The following BRIP1 variants were observed in gnomAD, a reference collection of about 807,000 sequenced individuals.
The protein encoded by BRIP1 is BRCA1 interacting DNA helicase 1.
Under a neutral mutation model 119.7 loss-of-function variants are expected in BRIP1, and 88 were observed. That is an observed-to-expected ratio of 0.74 (90% CI 0.62 to 0.88). The LOEUF (loss-of-function observed/expected upper bound fraction) is 0.88, where lower values mean the gene tolerates loss of function less well. Among genes scored for constraint, BRIP1 ranks in the 40% least tolerant of loss-of-function variants. The pLI is 0.00. For synonymous variants in BRIP1, 443 were observed against 496.5 expected (o/e 0.89, Z 1.43); for missense variants, 1,259 against 1,455.4 (o/e 0.87, Z 2.20).
rs2077425015 is a variant in BRIP1 at position 61,770,003 on chromosome 17, A to T, written c.2097+6398T>A. The stretch of plus-strand genomic sequence containing the variant: ...GAAAAACCCTACTGTTTCGGGCAGG[A>T]GGAGGGAAAAAAACAACCATTTTGA... On this transcript the variant is annotated intron_variant, in intron 14 of 19. Transcript: ENST00000259008. The surrounding 1 kb of genome is among the most constrained non-coding windows in gnomAD (Gnocchi z 4.7). 6.6e-6 allele frequency among the ~76,000 whole-genome samples: 1 copy of T among 152,200 alleles called. No homozygotes were observed. The highest frequency in any genetic ancestry group is 1.5e-5 in the Non-Finnish European group (1 of 68,040).
chr17:61,718,561 T>C (rs766197645), intron 16 of BRIP1, among the ~76,000 whole-genome samples: 2 of 152,168 alleles, frequency 1.3e-5, no homozygotes, highest in Non-Finnish European at 2.9e-5. Context: ...ACCTGGAGCT[T>C]TCTCTCTATG....
chr17:61,749,238 G>C (rs961913751), intron 14 of BRIP1, among the ~76,000 whole-genome samples: 5 of 151,584 alleles, frequency 3.3e-5, no homozygotes, highest in African/African-American at 1.2e-4. Context: ...TGACATAAAA[G>C]CACAGGCAAT....
At chr17:61,786,017 T>C (rs1023923304) in intron 10 of BRIP1, among the ~76,000 whole-genome samples, 4 of 151,966 alleles carry the variant, frequency 2.6e-5, no homozygotes, top group Non-Finnish European at 5.9e-5. Flanking sequence ...TAAAGCTGTA[T>C]AAAAATATAA....
rs1388093836 is a variant in BRIP1 at position 61,822,680 on chromosome 17, G to C, written c.628-13923C>G. On this transcript the variant is annotated intron_variant, in intron 6 of 19. Transcript: ENST00000259008. This position sits in a 1 kb window ranked among gnomAD's most constrained non-coding sequence, Gnocchi z 4.4. ...ATAACATGGTTATAGCTAAGGAAAA[G>C]AATCAATAGAAAGGAGGAAAAATAA... is the stretch of plus-strand genomic sequence containing the variant. Among the ~76,000 whole-genome samples the C allele has an allele frequency of 6.6e-6, 1 of 151,850 alleles. No homozygotes were observed. Among genetic ancestry groups the C allele is most frequent in the Non-Finnish European group, 1.5e-5 (1 of 67,964 alleles).
Position 61,730,531 on chromosome 17 carries a change from A to G in BRIP1, c.2379+12482T>C, listed in dbSNP as rs1242811804. ...TGATAATTTCACTTTTAAATCCTCCAACCTAGTTTGAGAGCAAAATTAATA... is the reference window on the plus strand; with the variant it reads ...TGATAATTTCACTTTTAAATCCTCCGACCTAGTTTGAGAGCAAAATTAATA... On this transcript the variant is annotated intron_variant, in intron 16 of 19. Transcript: ENST00000259008. This position sits in a 1 kb window ranked among gnomAD's most constrained non-coding sequence, Gnocchi z 4.3. 6.6e-6 allele frequency among the ~76,000 whole-genome samples: 1 copy of G among 152,184 alleles called. No homozygotes were observed. Among genetic ancestry groups the G allele is most frequent in the Non-Finnish European group, 1.5e-5 (1 of 68,034 alleles).
At chr17:61,766,636 A>C (rs2077378119) in intron 14 of BRIP1, among the ~76,000 whole-genome samples, 1 of 152,186 alleles carries the variant, frequency 6.6e-6, no homozygotes, top group Non-Finnish European at 1.5e-5. Context: ...TTAGTGCTGA[A>C]CAATACTTTA....
intron 16 of BRIP1, among the ~76,000 whole-genome samples, chr17:61,741,345 C>A (rs962274866): frequency 1.4e-4 from 22 of 152,194 alleles, no homozygotes; most frequent in African/African-American, 5.3e-4. Context: ...GAATCAATGA[C>A]TTCCAAACTC....
chr17:61,783,726 T>C (rs1238780289), intron 11 of BRIP1: 3 of 151,954 alleles, frequency 2.0e-5, no homozygotes, highest in Non-Finnish European at 4.4e-5. Context: ...TAGAAGATAA[T>C]TTAATATGAA....
Position 61,743,005 on chromosome 17 carries a change from T to C in BRIP1, c.2379+8A>G, listed in dbSNP as rs1567779307. ...GTAATAATAAAACTTAAGGTTTTGA[T>C]GGCCTACCTGTAGATCTTTCACATT... On this transcript the variant is annotated splice_region_variant and intron_variant, in intron 16 of 19. Coordinates refer to ENST00000259008, the MANE Select transcript of BRIP1 (RefSeq NM_032043.3). This position sits in a 1 kb window ranked among gnomAD's most constrained non-coding sequence, Gnocchi z 4.3. The C allele has an allele frequency of 1.2e-6, 2 of 1,613,834 alleles. No individual in the cohort carries two copies. The highest frequency in any genetic ancestry group is 1.7e-6 in the Non-Finnish European group (2 of 1,179,800).
In BRIP1 at chr17:61,684,266, C is replaced by T. The variant is rs755791774; in HGVS notation, c.2906-126G>A. The T allele has an allele frequency of 1.3e-5, 14 of 1,055,004 alleles. No homozygotes were observed. The highest frequency in any genetic ancestry group is 6.5e-5 in the African/African-American group (4 of 61,902). The allele number at this position is 1,055,004 out of a possible 1,614,324, so 65.4% of individuals were successfully genotyped here. On this transcript the variant is annotated intron_variant, in intron 19 of 19. Coordinates refer to ENST00000259008, the MANE Select transcript of BRIP1 (RefSeq NM_032043.3). This position sits in a 1 kb window ranked among gnomAD's most constrained non-coding sequence, Gnocchi z 4.5. ...AGGATACATAACTTAGAGCCCCCAA[C>T]GAATACTAGTGGATTTTCATCTTGG...
rs1289928766 is a variant in BRIP1, at chr17:61,851,611, T to C, written c.380-2355A>G. On this transcript the variant is annotated intron_variant, in intron 4 of 19. Coordinates refer to ENST00000259008, the MANE Select transcript of BRIP1 (RefSeq NM_032043.3). The surrounding 1 kb of genome is among the most constrained non-coding windows in gnomAD (Gnocchi z 4.6). Reference sequence around the variant, plus strand: ...CAAATTAGGGTTCTCTATACTTTTATATGAGTCTATCACTGTGCTAACCTC... The same window carrying C: ...CAAATTAGGGTTCTCTATACTTTTACATGAGTCTATCACTGTGCTAACCTC... 6.6e-6 allele frequency among the ~76,000 whole-genome samples: 1 copy of C among 152,218 alleles called. No individual in the cohort carries two copies. The highest frequency in any genetic ancestry group is 1.5e-5 in the Non-Finnish European group (1 of 68,042).
rs1433571900 is a variant in BRIP1 at position 61,862,123 on chromosome 17, A to G, written c.-30-554T>C. The stretch of plus-strand genomic sequence containing the variant: ...CATAGGTTCTATACCAGGTTTTGGT[A>G]TACTGCCTGGTATGTTATCTTTGAC... On this transcript the variant is annotated intron_variant, in intron 1 of 19. Coordinates refer to ENST00000259008, the MANE Select transcript of BRIP1 (RefSeq NM_032043.3). The surrounding 1 kb of genome is among the most constrained non-coding windows in gnomAD (Gnocchi z 5.3). 1 of 156,230 alleles carries G rather than the reference A, an allele frequency of 6.4e-6. No individual in the cohort carries two copies. Among genetic ancestry groups the G allele is most frequent in the Non-Finnish European group, 1.4e-5 (1 of 70,574 alleles). The allele number at this position is 156,230 out of a possible 1,614,324, so 9.7% of individuals were successfully genotyped here. A position where few individuals can be genotyped will look rare whatever the true frequency, so the allele number is the denominator to read the frequency against.
At chr17:61,733,408 T>G (rs1471870304) in intron 16 of BRIP1, among the ~76,000 whole-genome samples, 2 of 152,184 alleles carry the variant, frequency 1.3e-5, no homozygotes, top group Non-Finnish European at 2.9e-5. Flanking sequence ...TTTTGACAGT[T>G]GAAAGCACTG....
chr17:61,805,619 T>C lies in BRIP1; in HGVS notation c.918+2848A>G, dbSNP rs2078062970. ...ATGTGACTAAGCATCAAAAGAATAT[T>C]TGAACCAGAAGGCTTGTAAGATTCC... On this transcript the variant is annotated intron_variant, in intron 7 of 19. Transcript: ENST00000259008. The surrounding 1 kb of genome is among the most constrained non-coding windows in gnomAD (Gnocchi z 5.6). Among the ~76,000 whole-genome samples the C allele has an allele frequency of 6.6e-6, 1 of 152,196 alleles. No homozygotes were observed. Among genetic ancestry groups the C allele is most frequent in the Non-Finnish European group, 1.5e-5 (1 of 68,032 alleles).
intron 6 of BRIP1, among the ~76,000 whole-genome samples, chr17:61,836,322 C>T (rs1003584528): frequency 6.6e-6 from 1 of 151,876 alleles, no homozygotes; most frequent in Non-Finnish European, 1.5e-5. Flanking sequence ...TGCTATGTTG[C>T]CCAGGCTGAT....
intron 8 of BRIP1, among the ~76,000 whole-genome samples, chr17:61,800,837 T>C (rs1487441269): frequency 1.3e-5 from 2 of 152,198 alleles, no homozygotes; most frequent in African/African-American, 2.4e-5. Flanking sequence ...CTGTTAACAA[T>C]TGCATGTCTC....
rs1484320639 is a variant in BRIP1 at position 61,799,174 on chromosome 17, T to C, written c.1266A>G (p.Leu422=). 3 of 1,613,634 alleles carry C rather than the reference T, an allele frequency of 1.9e-6. No homozygotes were observed. Among genetic ancestry groups the C allele is most frequent in the African/African-American group, 2.7e-5 (2 of 74,920 alleles). The change falls in exon 9 of 20, where the codon CTA becomes CTG. Residue 422 remains leucine (L), a synonymous_variant. Coordinates refer to ENST00000259008, the MANE Select transcript of BRIP1 (RefSeq NM_032043.3). This position sits in a 1 kb window ranked among gnomAD's most constrained non-coding sequence, Gnocchi z 5.1. ...TTATATTATTGTTGACCATACTATC[T>C]AGTTCATCCCGAGCAAACCGAAGCT... The part of the protein sequence containing the change: ...EVQLRFARDE[L]DSMVNNNIRK...
rs981997682 is a variant in BRIP1 at position 61,793,001 on chromosome 17, C to T, written c.1473+596G>A. Among the ~76,000 whole-genome samples the T allele has an allele frequency of 5.3e-5, 8 of 151,886 alleles. No individual in the cohort carries two copies. Among genetic ancestry groups the T allele is most frequent in the Non-Finnish European group, 1.2e-4 (8 of 67,964 alleles). Reference sequence around the variant, plus strand: ...ACCTTCTGCTTAATTTTTCTCTAAACCTAAAACAACCATTCTAAAATACAT... The same window carrying T: ...ACCTTCTGCTTAATTTTTCTCTAAATCTAAAACAACCATTCTAAAATACAT... On this transcript the variant is annotated intron_variant, in intron 10 of 19. Coordinates refer to ENST00000259008, the MANE Select transcript of BRIP1 (RefSeq NM_032043.3). The surrounding 1 kb of genome is among the most constrained non-coding windows in gnomAD (Gnocchi z 5.2).
At chr17:61,849,043 C>T (rs2078775440) in intron 5 of BRIP1, 86 bp downstream of exon 5, 4 of 1,445,044 alleles carry the variant, frequency 2.8e-6, no homozygotes, top group Admixed American at 3.4e-5. Context: ...CAACTAATCT[C>T]CACAAGTGCA....
Sources: allele counts gnomAD v4.1 joint callset (sites outside exome capture counted in the v4.1 genomes callset), GRCh38; gene constraint gnomAD v4.1.1; non-coding constraint Gnocchi (gnomAD v3.1); transcripts MANE v1.5; gene names NCBI Gene and HGNC (gene_info 2026-07-23, HGNC 2026-07-21).